Variants in UNC13A observed in about 807,000 individuals in gnomAD.
UNC13A encodes the protein unc-13 homolog A, also known as protein unc-13 homolog A.
In UNC13A, 61 loss-of-function variants were observed where a neutral mutation model predicts 219.7. The ratio of observed to expected loss-of-function variants is 0.28; its 90% CI spans 0.23 to 0.34. UNC13A has a LOEUF of 0.34. Among genes scored for constraint, UNC13A ranks in the 10% least tolerant of loss-of-function variants. The pLI is 1.00. For synonymous variants in UNC13A, 920 were observed against 884.6 expected, an observed-to-expected ratio of 1.04 and a Z score of -0.71; for missense variants, 1,476 against 2,270.3, an observed-to-expected ratio of 0.65 and a Z score of 7.11.
chr19:17,652,225 G>A (rs1303686805), intron 12 of UNC13A, among the ~76,000 whole-genome samples: 1 of 152,026 alleles, frequency 6.6e-6, no homozygotes, highest in Non-Finnish European at 1.5e-5. Flanking sequence ...TCTGCCTCTC[G>A]GGTTCAAGTA....
chr19:17,662,167 C>T (rs760265829), intron 8 of UNC13A, among the ~76,000 whole-genome samples: 12 of 151,652 alleles, frequency 7.9e-5, no homozygotes, highest in East Asian at 5.8e-4. Context: ...CACTTGAACT[C>T]GGAGGCAGAG....
intron 3 of UNC13A, among the ~76,000 whole-genome samples, chr19:17,673,868 G>A (rs537343589): frequency 2.6e-5 from 4 of 151,916 alleles, no homozygotes; most frequent in African/African-American, 7.3e-5. Context: ...AAAATTAGCC[G>A]GGTGTGGTGG....
chr19:17,639,373 C>A, intron 24 of UNC13A, 63 bp downstream of exon 24: 1 of 1,578,342 alleles, frequency 6.3e-7, no homozygotes, highest in African/African-American at 1.3e-5. Flanking sequence ...GTCACTTGTC[C>A]TGGGAGCTGG....
At chr19:17,621,764 G>T in intron 37 of UNC13A, 68 bp downstream of exon 37, 1 of 1,550,616 alleles carries the variant, frequency 6.4e-7, no homozygotes, top group Non-Finnish European at 8.9e-7. Context: ...GTGCACAGAC[G>T]CACACACATG....
At chr19:17,646,492 G>A (rs1228190164) in intron 17 of UNC13A, among the ~76,000 whole-genome samples, 2 of 152,060 alleles carry the variant, frequency 1.3e-5, no homozygotes, top group Non-Finnish European at 2.9e-5. Context: ...CTGACCTCAG[G>A]TGATCCGCCT....
chr19:17,614,802 G>A (rs1035827783), intron 41 of UNC13A, among the ~76,000 whole-genome samples: 5 of 151,464 alleles, frequency 3.3e-5, no homozygotes, highest in South Asian at 2.1e-4. Context: ...CCCACCCCCC[G>A]CCACCAGTCA....
Position 17,605,985 on chromosome 19 carries a change from C to T in UNC13A, c.*69G>A, listed in dbSNP as rs12974304. ...CGCCCCTGGGGAGGTCCCACCAAGG[C>T]GCAAGCCCCGTCCCTCCCCGCCCAG... On this transcript the variant is annotated 3_prime_UTR_variant, in exon 44 of 44. Transcript: ENST00000519716. 137,166 of 1,354,012 alleles carry T rather than the reference C, an allele frequency of 0.1. 8,819 individuals carry two copies. The highest frequency in any genetic ancestry group is 0.31 in the African/African-American group (20,175 of 64,572). 83.9% of individuals were successfully genotyped at this position (1,354,012 alleles called of 1,614,324 possible). A position where few individuals can be genotyped will look rare whatever the true frequency, so the allele number is the denominator to read the frequency against.
intron 8 of UNC13A, among the ~76,000 whole-genome samples, chr19:17,661,674 A>G (rs1483726478): frequency 2.0e-5 from 3 of 152,104 alleles, no homozygotes; most frequent in Non-Finnish European, 4.4e-5. Context: ...AGTCTGGGTG[A>G]CAGAGCAAGA....
At position 17,641,532 on chromosome 19, in the gene UNC13A, C is replaced by T. The variant is rs779581085; in HGVS notation, c.2497G>A (p.Val833Met). 7.4e-6 allele frequency: 12 copies of T among 1,613,816 alleles called. No individual in the cohort carries two copies. The highest frequency in any genetic ancestry group is 4.0e-5 in the African/African-American group (3 of 74,912). The change falls in exon 21 of 44, where the codon GTG becomes ATG. Residue 833 changes from valine (V) to methionine (M), a missense_variant. Around this residue, in one of 14 missense-constraint regions of UNC13A, gnomAD observed 140 missense variants for 270.9 expected, o/e 0.52. Coordinates refer to ENST00000519716, the MANE Select transcript of UNC13A (RefSeq NM_001080421.3). ...HENLFHFVTD[V>M]QNNGVVKIPD... The stretch of plus-strand genomic sequence containing the variant: ...ATCTTCACGACCCCATTGTTCTGCA[C>T]GTCGGTCACGAAGTGGAACAGGTTC...
At chr19:17,687,593 C>T (rs1179303101) in intron 1 of UNC13A, among the ~76,000 whole-genome samples, 2 of 152,050 alleles carry the variant, frequency 1.3e-5, no homozygotes, top group Non-Finnish European at 2.9e-5. Flanking sequence ...TCTCCACACT[C>T]CCCCCACTCC....
intron 11 of UNC13A, among the ~76,000 whole-genome samples, 168 bp from the exon 12 acceptor site, chr19:17,652,845 T>A (rs1693205010): frequency 6.6e-6 from 1 of 152,178 alleles, no homozygotes; most frequent in South Asian, 2.1e-4. Context: ...GGCCTTAGTT[T>A]GTCCATCTGT....
chr19:17,683,808 G>A (rs189220866), intron 1 of UNC13A, among the ~76,000 whole-genome samples: 62 of 152,262 alleles, frequency 4.1e-4, no homozygotes, highest in Admixed American at 4.1e-3. Context: ...TAAAACATCA[G>A]TTGGGCGTGG....
In UNC13A at chr19:17,656,300, C is replaced by T. The variant is rs777993407; in HGVS notation, c.866G>A (p.Gly289Asp). The change falls in exon 10 of 44, where the codon GGC becomes GAC. Residue 289 changes from glycine (G) to aspartate (D), a missense_variant. Transcript: ENST00000519716. ...GTCCCGCTCATCCTCCATGTCGGAG[C>T]CCTGCAGGCTGTGCTCGTCAGGGTC... Reference protein sequence around the residue: ...DFDPDEHSLQGSDMEDERDRD... With the variant: ...DFDPDEHSLQDSDMEDERDRD... The T allele has an allele frequency of 4.4e-5, 69 of 1,553,666 alleles. No individual in the cohort carries two copies. In the East Asian group the frequency reaches 1.1e-3, roughly 24 times the overall value.
At position 17,625,511 on chromosome 19, in the gene UNC13A, C is replaced by A. The variant is rs181129615; in HGVS notation, c.4074-559G>T. Reference sequence around the variant, plus strand: ...ATCCCTCCCCCAGTGGTCCTTAATTCTCTATTTCTTTTTCTATCCATCCAT... The same window carrying A: ...ATCCCTCCCCCAGTGGTCCTTAATTATCTATTTCTTTTTCTATCCATCCAT... On this transcript the variant is annotated intron_variant, in intron 34 of 43. Transcript: ENST00000519716. Among the ~76,000 whole-genome samples the A allele has an allele frequency of 4.0e-3, 613 of 152,136 alleles. 2 individuals are homozygous for A. The highest frequency in any genetic ancestry group is 8.3e-3 in the South Asian group (40 of 4,806).
intron 38 of UNC13A, among the ~76,000 whole-genome samples, chr19:17,619,815 G>C (rs2076709001): frequency 6.6e-6 from 1 of 152,154 alleles, no homozygotes. Flanking sequence ...ACAGACACTA[G>C]CAAGATGGTG....
chr19:17,674,707 C>G lies in UNC13A; in HGVS notation c.102G>C (p.Thr34=), dbSNP rs778802723. The G allele has an allele frequency of 5.0e-6, 8 of 1,613,812 alleles. No homozygotes were observed. The African/African-American group carries it at 1.1e-4, about 22-fold the overall frequency. Residue 34 remains threonine, a synonymous_variant, in exon 3 of 44, where the codon ACG becomes ACC. Transcript: ENST00000519716. This position sits in a 1 kb window ranked among gnomAD's most constrained non-coding sequence, Gnocchi z 5.0. The part of the protein sequence containing the change: ...VTLKVQNVKS[T]TIAVRGSQPS... ...GCTGGCTGCCCCGCACCGCGATGGT[C>G]GTGCTCTTGACATTCTGCACTTTCA...
intron 43 of UNC13A, among the ~76,000 whole-genome samples, chr19:17,607,674 C>T (rs1397143316): frequency 1.3e-5 from 2 of 151,704 alleles, no homozygotes; most frequent in African/African-American, 2.4e-5. Context: ...GCCTTAAACT[C>T]CTGAGCTCAA....
At chr19:17,623,602 A>G in intron 35 of UNC13A, 55 bp from the exon 36 acceptor site, 1 of 996,368 alleles carries the variant, frequency 1.0e-6, no homozygotes, top group Non-Finnish European at 1.4e-6. Context: ...AGGTACCATG[A>G]GTCTCCCGGG....
chr19:17,663,662 C>T, intron 7 of UNC13A, 95 bp from the exon 8 acceptor site: 1 of 1,317,782 alleles, frequency 7.6e-7, no homozygotes, highest in Non-Finnish European at 1.1e-6. Flanking sequence ...TCCCCAACTG[C>T]TCCCCCCACC....
Sources: gnomAD v4.1 joint callset for allele counts (sites outside exome capture counted in the v4.1 genomes callset) on GRCh38, gnomAD v4.1.1 for gene constraint, gnomAD v4.1.1 regional missense constraint, Gnocchi (gnomAD v3.1) non-coding constraint, MANE v1.5 for transcripts, NCBI Gene and HGNC (gene_info 2026-07-23, HGNC 2026-07-21) for gene names.